The following ROBO1 variants were observed in gnomAD, a reference collection of about 807,000 sequenced individuals.
ROBO1 encodes the protein roundabout guidance receptor 1, also known as roundabout homolog 1.
Under a neutral mutation model 195.9 loss-of-function variants are expected in ROBO1, and 149 were observed. The observed-to-expected ratio is 0.76, with a 90% CI of 0.67 to 0.87. ROBO1 has a LOEUF of 0.87. ROBO1 is among the 40% of genes least tolerant of loss of function. ROBO1 has a pLI of 0.00. For synonymous variants in ROBO1, 816 were observed against 733.2 expected, an observed-to-expected ratio of 1.11 and a Z score of -1.82; for missense variants, 1,933 against 2,068.3, an observed-to-expected ratio of 0.93 and a Z score of 1.27.
chr3:78,873,381 C>G (rs1285850788), intron 4 of ROBO1, among the ~76,000 whole-genome samples: 4 of 152,088 alleles, frequency 2.6e-5, no homozygotes, highest in African/African-American at 9.7e-5. Context: ...ACTGTTAGAT[C>G]TCACTTCTGG....
At chr3:78,658,859 A>G (rs1005943719) in intron 17 of ROBO1, among the ~76,000 whole-genome samples, 1 of 152,178 alleles carries the variant, frequency 6.6e-6, no homozygotes, top group Non-Finnish European at 1.5e-5. Context: ...TACATTATAC[A>G]GCTGAACCAA....
At position 79,365,753 on chromosome 3, in the gene ROBO1, C is replaced by T. The variant is rs544794103; in HGVS notation, c.88+224071G>A. 1.6e-4 allele frequency among the ~76,000 whole-genome samples: 25 copies of T among 151,976 alleles called. No homozygotes were observed. The South Asian group carries it at 4.0e-3, about 24-fold the overall frequency. On this transcript the variant is annotated intron_variant, in intron 2 of 30. Coordinates refer to ENST00000464233, the MANE Select transcript of ROBO1 (RefSeq NM_002941.4). Reference sequence around the variant, plus strand: ...TCTACTAAAAATACAAAAAATTATCCGGGCGTGGTGGCGGGTGCCTGTAGT... The same window carrying T: ...TCTACTAAAAATACAAAAAATTATCTGGGCGTGGTGGCGGGTGCCTGTAGT...
At chr3:78,869,747 C>G (rs1449791037) in intron 4 of ROBO1, among the ~76,000 whole-genome samples, 1 of 152,132 alleles carries the variant, frequency 6.6e-6, no homozygotes, top group Non-Finnish European at 1.5e-5. Context: ...ACATGGGCCG[C>G]CACCCCTGGC....
In ROBO1 at chr3:79,324,040, G is replaced by A. The variant is rs535832467; in HGVS notation, c.89-198501C>T. Reference sequence around the variant, plus strand: ...TTTTTTTAACTGTGAAATTTTAACAGTTGCTGTCTAAATAATCGAATCAAT... The same window carrying A: ...TTTTTTTAACTGTGAAATTTTAACAATTGCTGTCTAAATAATCGAATCAAT... On this transcript the variant is annotated intron_variant, in intron 2 of 30. Coordinates refer to ENST00000464233, the MANE Select transcript of ROBO1 (RefSeq NM_002941.4). 2.0e-5 allele frequency among the ~76,000 whole-genome samples: 3 copies of A among 152,172 alleles called. No individual in the cohort carries two copies. The South Asian group carries it at 6.2e-4, about 32-fold the overall frequency.
At chr3:79,680,610 C>A (rs1006037472) in intron 1 of ROBO1, among the ~76,000 whole-genome samples, 1 of 151,992 alleles carries the variant, frequency 6.6e-6, no homozygotes, top group African/African-American at 2.4e-5. Flanking sequence ...ATTAGCTGGA[C>A]TGGGTGTTTT....
chr3:79,641,033 G>A (rs1401750936), intron 1 of ROBO1, among the ~76,000 whole-genome samples: 2 of 151,942 alleles, frequency 1.3e-5, no homozygotes, highest in Admixed American at 6.6e-5. Flanking sequence ...ATCTTGTCTT[G>A]GTGGATTGGA....
intron 2 of ROBO1, among the ~76,000 whole-genome samples, chr3:79,300,261 G>C (rs905739707): frequency 6.6e-6 from 1 of 152,222 alleles, no homozygotes; most frequent in Non-Finnish European, 1.5e-5. Flanking sequence ...CGGCGCTTGC[G>C]GGCCAGCTGG....
At chr3:79,419,059 A>C (rs986268222) in intron 2 of ROBO1, among the ~76,000 whole-genome samples, 1 of 152,156 alleles carries the variant, frequency 6.6e-6, no homozygotes, top group Admixed American at 6.6e-5. Flanking sequence ...TGGCTGGATC[A>C]GACAGTATTT....
In ROBO1 at chr3:79,285,179, G is replaced by A. The variant is rs189898429; in HGVS notation, c.89-159640C>T. ...TTCAAGAGTTTATATATGGCTAACC[G>A]ATTAAAGACATTCAGAGGTAATGTT... is the stretch of plus-strand genomic sequence containing the variant. On this transcript the variant is annotated intron_variant, in intron 2 of 30. Transcript: ENST00000464233. 5.3e-4 allele frequency among the ~76,000 whole-genome samples: 80 copies of A among 152,148 alleles called. 1 individual carries two copies. Among genetic ancestry groups the A allele is most frequent in the Middle Eastern group, 6.8e-3 (2 of 294 alleles).
intron 3 of ROBO1, among the ~76,000 whole-genome samples, chr3:78,973,499 A>ATATATATAT (rs2076815669): frequency 6.9e-6 from 1 of 145,766 alleles, no homozygotes; most frequent in South Asian, 2.1e-4. Context: ...ATAAGAAGCT[A>ATATATATAT]TATATATATT....
chr3:79,679,535 A>C (rs1202511580), intron 1 of ROBO1, among the ~76,000 whole-genome samples: 1 of 152,062 alleles, frequency 6.6e-6, no homozygotes, highest in Non-Finnish European at 1.5e-5. Context: ...TAAGTATAAA[A>C]ACTAAATTTT....
chr3:79,081,698 T>A, intron 3 of ROBO1, among the ~76,000 whole-genome samples: 1 of 152,160 alleles, frequency 6.6e-6, no homozygotes, highest in Admixed American at 6.6e-5. Context: ...CCTTTAGCTG[T>A]TTTTGCAAAC....
intron 14 of ROBO1, among the ~76,000 whole-genome samples, chr3:78,664,597 G>A (rs1707626399): frequency 1.3e-5 from 2 of 152,136 alleles, no homozygotes; most frequent in South Asian, 2.1e-4. Flanking sequence ...CATGACATAG[G>A]TCTACCTGAC....
intron 3 of ROBO1, among the ~76,000 whole-genome samples, chr3:79,021,418 T>C (rs1228674380): frequency 6.6e-6 from 1 of 152,144 alleles, no homozygotes; most frequent in Admixed American, 6.5e-5. Flanking sequence ...AATAAAGATG[T>C]CAAACTTTCA....
At chr3:79,043,490 G>A (rs1318855559) in intron 3 of ROBO1, among the ~76,000 whole-genome samples, 2 of 151,778 alleles carry the variant, frequency 1.3e-5, no homozygotes, top group East Asian at 1.9e-4. Flanking sequence ...TTAAGCTTAG[G>A]GTAATCTAAA....
rs560010099 is a variant in ROBO1 at position 79,455,592 on chromosome 3, TG to T, written c.88+134231del. On this transcript the variant is annotated intron_variant, in intron 2 of 30. Transcript: ENST00000464233. ...TATAATTACCTCAGTTGTAGTGCTC[TG>T]AGTCATTTTCCGCATTTTGATTGTA... is the stretch of plus-strand genomic sequence containing the variant. Among the ~76,000 whole-genome samples the T allele has an allele frequency of 3.0e-3, 457 of 152,234 alleles. 2 individuals are homozygous for T. Among genetic ancestry groups the T allele is most frequent in the African/African-American group, 9.6e-3 (400 of 41,560 alleles).
chr3:79,680,687 T>C (rs892901068), intron 1 of ROBO1, among the ~76,000 whole-genome samples: 10 of 152,070 alleles, frequency 6.6e-5, no homozygotes, highest in Admixed American at 2.0e-4. Flanking sequence ...TACACTTTTT[T>C]TCCCAAGAGA....
intron 2 of ROBO1, among the ~76,000 whole-genome samples, chr3:79,382,165 T>C (rs553233033): frequency 5.9e-5 from 9 of 152,288 alleles, no homozygotes; most frequent in Admixed American, 5.9e-4. Context: ...ACTATCAGGA[T>C]GCTATACTCC....
At chr3:78,859,399 C>G (rs1353251782) in intron 4 of ROBO1, among the ~76,000 whole-genome samples, 4 of 152,134 alleles carry the variant, frequency 2.6e-5, no homozygotes, top group Non-Finnish European at 5.9e-5. Context: ...AATCCCAAAT[C>G]TGATTTAGGC....
Sources: gnomAD v4.1 joint callset for allele counts (sites outside exome capture counted in the v4.1 genomes callset) on GRCh38, gnomAD v4.1.1 for gene constraint, MANE v1.5 for transcripts, NCBI Gene and HGNC (gene_info 2026-07-23, HGNC 2026-07-21) for gene names.